Variants in EBF1 observed in about 807,000 individuals in gnomAD.
EBF1 encodes the protein transcription factor COE1.
EBF1 carries 10 observed loss-of-function variants against 68.4 expected under a neutral mutation model. The observed-to-expected ratio is 0.15, with a 90% CI of 0.09 to 0.25. The LOEUF is 0.25. Ranked by LOEUF, EBF1 falls within the 10% of genes least tolerant of loss-of-function variation. The pLI, the probability that EBF1 is intolerant of heterozygous loss-of-function variation, is 1.00. For missense variants in EBF1, 509 were observed against 794.4 expected, an observed-to-expected ratio of 0.64 and a Z score of 4.32; for synonymous variants, 298 against 299.8, an observed-to-expected ratio of 0.99 and a Z score of 0.06.
chr5:158,826,378 A>G (rs1170170349), intron 7 of EBF1, among the ~76,000 whole-genome samples: 1 of 152,236 alleles, frequency 6.6e-6, no homozygotes, highest in African/African-American at 2.4e-5. Flanking sequence ...CTGAGCCTCA[A>G]TAGCCACACT....
chr5:158,705,649 C>G (rs1195034274), intron 15 of EBF1, among the ~76,000 whole-genome samples: 2 of 152,224 alleles, frequency 1.3e-5, no homozygotes, highest in East Asian at 1.9e-4. Flanking sequence ...GGCACATACC[C>G]TCATCCAGAT....
chr5:158,932,135 C>T (rs1429353013), intron 6 of EBF1, among the ~76,000 whole-genome samples: 1 of 152,148 alleles, frequency 6.6e-6, no homozygotes, highest in Non-Finnish European at 1.5e-5. Flanking sequence ...AATTTGAAAA[C>T]ATTCATATCC....
chr5:159,088,669 A>G (rs1233769769), intron 4 of EBF1, among the ~76,000 whole-genome samples: 2 of 152,160 alleles, frequency 1.3e-5, no homozygotes, highest in African/African-American at 4.8e-5. Flanking sequence ...TTCATCCTCC[A>G]TAGTAAATCA....
intron 6 of EBF1, among the ~76,000 whole-genome samples, chr5:158,950,770 T>A (rs945908067): frequency 6.6e-6 from 1 of 152,178 alleles, no homozygotes; most frequent in Non-Finnish European, 1.5e-5. Context: ...GTGGAGTTTG[T>A]CCAAAAGTCA....
At chr5:159,080,560 C>A (rs368960208) in intron 5 of EBF1, among the ~76,000 whole-genome samples, 1 of 152,186 alleles carries the variant, frequency 6.6e-6, no homozygotes, top group Non-Finnish European at 1.5e-5. Context: ...GTTCTTTTAT[C>A]CTCATTCACA....
chr5:158,700,796 G>A (rs186722672), intron 15 of EBF1, among the ~76,000 whole-genome samples: 3 of 152,230 alleles, frequency 2.0e-5, no homozygotes, highest in African/African-American at 4.8e-5. Context: ...CCTTTTTGCA[G>A]CCCAAAAGCT....
At chr5:159,025,269 A>AT (rs1013714247) in intron 6 of EBF1, among the ~76,000 whole-genome samples, 2 of 152,122 alleles carry the variant, frequency 1.3e-5, no homozygotes, top group African/African-American at 4.8e-5. Flanking sequence ...CTCTTCTTAT[A>AT]TTTTACACAG....
At position 158,967,749 on chromosome 5, in the gene EBF1, A is replaced by T. The variant is rs115245009; in HGVS notation, c.554+105647T>A. Among the ~76,000 whole-genome samples the T allele has an allele frequency of 4.1e-3, 621 of 152,280 alleles. 3 individuals are homozygous for T. The highest frequency in any genetic ancestry group is 0.014 in the Middle Eastern group (4 of 294). Reference sequence around the variant, plus strand: ...ATCACTTTGGAAGTTTCTTTAAGGCACATGTTAGCCCTGCTTCTGAACACC... The same window carrying T: ...ATCACTTTGGAAGTTTCTTTAAGGCTCATGTTAGCCCTGCTTCTGAACACC... On this transcript the variant is annotated intron_variant, in intron 6 of 15. Transcript: ENST00000313708.
intron 6 of EBF1, among the ~76,000 whole-genome samples, chr5:158,958,985 A>G (rs1462532282): frequency 6.6e-6 from 1 of 152,234 alleles, no homozygotes; most frequent in Non-Finnish European, 1.5e-5. Flanking sequence ...GTCATCTTGA[A>G]CTGGCTACTT....
chr5:158,736,581 A>C (rs922548723), intron 10 of EBF1, among the ~76,000 whole-genome samples: 1 of 152,214 alleles, frequency 6.6e-6, no homozygotes, highest in Non-Finnish European at 1.5e-5. Flanking sequence ...CCAAGTAATA[A>C]ATAAAACCTC....
chr5:158,887,377 G>A (rs1326057699), intron 6 of EBF1, among the ~76,000 whole-genome samples: 1 of 152,104 alleles, frequency 6.6e-6, no homozygotes, highest in South Asian at 2.1e-4. Context: ...AACCACCCTA[G>A]ATTTTAAAAA....
intron 7 of EBF1, among the ~76,000 whole-genome samples, chr5:158,837,889 C>T (rs956579536): frequency 3.9e-5 from 6 of 152,144 alleles, no homozygotes; most frequent in Non-Finnish European, 8.8e-5. Context: ...CCCAGCTATA[C>T]TTTGCTCCTA....
chr5:158,987,464 C>T (rs957182177), intron 6 of EBF1, among the ~76,000 whole-genome samples: 1 of 152,158 alleles, frequency 6.6e-6, no homozygotes, highest in Non-Finnish European at 1.5e-5. Context: ...TTTTAATACC[C>T]ATTATTTCAT....
intron 6 of EBF1, among the ~76,000 whole-genome samples, chr5:158,945,970 A>G (rs532308115): frequency 9.2e-5 from 14 of 152,142 alleles, no homozygotes; most frequent in Middle Eastern, 3.4e-3. Flanking sequence ...CACTTGATCA[A>G]TTTGGCTATT....
chr5:159,014,897 A>T (rs1467043210), intron 6 of EBF1, among the ~76,000 whole-genome samples: 6 of 152,190 alleles, frequency 3.9e-5, no homozygotes, highest in Admixed American at 3.9e-4. Context: ...CCCTCTAGGG[A>T]TGGCAGAAGA....
chr5:158,991,623 A>T (rs969692278), intron 6 of EBF1, among the ~76,000 whole-genome samples: 2 of 152,218 alleles, frequency 1.3e-5, no homozygotes, highest in African/African-American at 2.4e-5. Context: ...GGCAGACCTA[A>T]AAGTATTTGT....
At chr5:158,716,489 G>C (rs1760739462) in intron 11 of EBF1, among the ~76,000 whole-genome samples, 1 of 152,158 alleles carries the variant, frequency 6.6e-6, no homozygotes, top group Non-Finnish European at 1.5e-5. Flanking sequence ...TGTGAACCTG[G>C]ATTTCTTGTC....
chr5:158,791,702 T>C (rs1194171484), intron 9 of EBF1, among the ~76,000 whole-genome samples: 3 of 152,140 alleles, frequency 2.0e-5, no homozygotes, highest in African/African-American at 7.2e-5. Flanking sequence ...GGAACTTGAT[T>C]GGTCATTCAA....
chr5:158,763,579 TG>T (rs35627181), intron 10 of EBF1, among the ~76,000 whole-genome samples: 11,940 of 152,206 alleles, frequency 0.078, 523 homozygotes, highest in South Asian at 0.11. Context: ...ACACCCTTTT[TG>T]TAAACATATC....
Sources: allele counts gnomAD v4.1 joint callset (sites outside exome capture counted in the v4.1 genomes callset), GRCh38; gene constraint gnomAD v4.1.1; transcripts MANE v1.5; gene names NCBI Gene and HGNC (gene_info 2026-07-23, HGNC 2026-07-21).